The following HACE1 variants were observed in gnomAD, a reference collection of about 807,000 sequenced individuals.
The protein encoded by HACE1 is E3 ubiquitin-protein ligase HACE1.
A neutral mutation model predicts 118.4 loss-of-function variants in HACE1; 73 were observed. The observed-to-expected ratio is 0.62, with a 90% CI of 0.51 to 0.75. The LOEUF (loss-of-function observed/expected upper bound fraction) is 0.75. Among genes scored for constraint, HACE1 ranks in the 30% least tolerant of loss-of-function variants. The pLI is 0.00. For synonymous variants in HACE1, 368 were observed against 374.8 expected (o/e 0.98, Z 0.21); for missense variants, 749 against 1,102.2 (o/e 0.68, Z 4.54).
intron 7 of HACE1, among the ~76,000 whole-genome samples, chr6:104,800,031 T>C (rs1770136662): frequency 6.6e-6 from 1 of 152,134 alleles, no homozygotes; most frequent in African/African-American, 2.4e-5. Flanking sequence ...CCCAAGGTCT[T>C]AGTAAACGAC....
chr6:104,784,268 AAC>A (rs1782096921), intron 13 of HACE1, 95 bp from the exon 14 acceptor site: 14 of 874,620 alleles, frequency 1.6e-5, no homozygotes, highest in South Asian at 1.3e-4. Flanking sequence ...ACAGAAGAAA[AAC>A]ACATAATAAT....
intron 17 of HACE1, among the ~76,000 whole-genome samples, chr6:104,773,440 A>ATTT (rs1279618296): frequency 6.6e-6 from 1 of 152,350 alleles, no homozygotes; most frequent in East Asian, 1.9e-4. Flanking sequence ...AATAACCTAA[A>ATTT]TAAGTCATGT....
intron 22 of HACE1, among the ~76,000 whole-genome samples, chr6:104,738,247 A>G (rs1473323788): frequency 1.3e-5 from 2 of 152,248 alleles, no homozygotes; most frequent in African/African-American, 4.8e-5. Context: ...CGGAAACTCT[A>G]AAAAGCAGAG....
chr6:104,841,363 A>G (rs1277528793), intron 5 of HACE1, among the ~76,000 whole-genome samples: 2 of 152,192 alleles, frequency 1.3e-5, no homozygotes, highest in Non-Finnish European at 2.9e-5. Flanking sequence ...AAAACAGATT[A>G]TATTAACATT....
At chr6:104,802,095 G>C (rs4591886) in intron 7 of HACE1, among the ~76,000 whole-genome samples, 84,875 of 150,394 alleles carry the variant, frequency 0.56, 25,472 homozygotes, top group African/African-American at 0.79. Flanking sequence ...GACGTTAGAC[G>C]AAGGAAGATC....
chr6:104,786,753 A>G (rs1018766546), intron 11 of HACE1: 2 of 152,194 alleles, frequency 1.3e-5, no homozygotes, highest in African/African-American at 4.8e-5. Flanking sequence ...ATTGAGAATG[A>G]TTAGCTATCC....
At chr6:104,743,083 A>G (rs561300315) in intron 22 of HACE1, among the ~76,000 whole-genome samples, 191 of 149,184 alleles carry the variant, frequency 1.3e-3, no homozygotes, top group Non-Finnish European at 2.5e-3. Flanking sequence ...AACACCGCGT[A>G]TTCTCATTCA....
At chr6:104,836,108 G>A (rs1180128577) in intron 5 of HACE1, among the ~76,000 whole-genome samples, 1 of 152,148 alleles carries the variant, frequency 6.6e-6, no homozygotes, top group Non-Finnish European at 1.5e-5. Context: ...AGATGGATAT[G>A]AGACCCATAT....
chr6:104,777,347 T>A, intron 14 of HACE1, 30 bp from the exon 15 acceptor site: 1 of 1,297,900 alleles, frequency 7.7e-7, no homozygotes, highest in Non-Finnish European at 1.1e-6. Flanking sequence ...TAAAATATGT[T>A]AGCAGTGTAT....
chr6:104,793,616 C>T (rs1215406519), intron 10 of HACE1, among the ~76,000 whole-genome samples: 3 of 152,122 alleles, frequency 2.0e-5, no homozygotes, highest in Non-Finnish European at 4.4e-5. Context: ...ATATTTGAAT[C>T]AGTTATTTTC....
chr6:104,743,008 C>CGT (rs1457681730), intron 22 of HACE1, among the ~76,000 whole-genome samples: 3 of 151,738 alleles, frequency 2.0e-5, no homozygotes, highest in African/African-American at 7.3e-5. Flanking sequence ...TCATGTTCTT[C>CGT]GTAGGGACAT....
intron 22 of HACE1, among the ~76,000 whole-genome samples, chr6:104,740,776 T>C (rs1481838116): frequency 1.4e-5 from 2 of 137,942 alleles, no homozygotes; most frequent in African/African-American, 2.8e-5. Context: ...TTCCAATCAA[T>C]AGAAAAAGAG....
chr6:104,807,534 A>G (rs1417919168), intron 7 of HACE1, among the ~76,000 whole-genome samples: 1 of 152,196 alleles, frequency 6.6e-6, no homozygotes, highest in African/African-American at 2.4e-5. Context: ...AGTTATCTAC[A>G]AACAGAAAAT....
intron 7 of HACE1, among the ~76,000 whole-genome samples, chr6:104,802,396 C>T (rs1269519979): frequency 1.3e-5 from 2 of 152,138 alleles, no homozygotes; most frequent in African/African-American, 2.4e-5. Context: ...CTCTCCACCC[C>T]AAATCAACAG....
chr6:104,731,568 C>T (rs1775205775), intron 22 of HACE1: 1 of 151,960 alleles, frequency 6.6e-6, no homozygotes, highest in South Asian at 2.1e-4. Flanking sequence ...CCCTCACATA[C>T]ATAATGAAAT....
At chr6:104,772,445 T>C (rs1780734514) in intron 17 of HACE1, among the ~76,000 whole-genome samples, 2 of 152,156 alleles carry the variant, frequency 1.3e-5, no homozygotes, top group Non-Finnish European at 2.9e-5. Context: ...CTAGGCAGTA[T>C]GGCAATAGGC....
rs1411717484 is a variant in HACE1 at position 104,738,153 on chromosome 6, CA to C, written c.2513+6006del. On this transcript the variant is annotated intron_variant, in intron 22 of 23. Coordinates refer to ENST00000262903, the MANE Select transcript of HACE1 (RefSeq NM_020771.4). ...TAACAAACAGAAAGGACATCCACAC[CA>C]AAAACCCATCTGTACATCACCATCA... Among the ~76,000 whole-genome samples, 660 of 151,906 alleles carry C rather than the reference CA, an allele frequency of 4.3e-3. 4 individuals carry two copies. The highest frequency in any genetic ancestry group is 0.015 in the African/African-American group (621 of 41,404).
chr6:104,743,629 A>G (rs145455796), intron 22 of HACE1, among the ~76,000 whole-genome samples: 401 of 152,088 alleles, frequency 2.6e-3, no homozygotes, highest in African/African-American at 9.1e-3. Flanking sequence ...TAGTTTTCTA[A>G]TATCTATTAT....
intron 4 of HACE1, among the ~76,000 whole-genome samples, chr6:104,843,851 T>C (rs765661314): frequency 1.3e-5 from 2 of 151,866 alleles, no homozygotes; most frequent in Non-Finnish European, 2.9e-5. Flanking sequence ...GTAAAATACA[T>C]ATAAAATTTG....
Sources: gnomAD v4.1 joint callset for allele counts (sites outside exome capture counted in the v4.1 genomes callset) on GRCh38, gnomAD v4.1.1 for gene constraint, MANE v1.5 for transcripts, NCBI Gene and HGNC (gene_info 2026-07-23, HGNC 2026-07-21) for gene names.